The following RAD51C variants were observed in gnomAD, a reference collection of about 807,000 sequenced individuals.
RAD51C encodes DNA repair protein RAD51 homolog 3.
RAD51C carries 42 observed loss-of-function variants against 45.0 expected under a neutral mutation model. The observed-to-expected ratio is 0.93, with a 90% confidence interval of 0.73 to 1.21. RAD51C has a LOEUF of 1.21. Among genes scored for constraint, RAD51C ranks in the 50% most tolerant of loss-of-function variants. The pLI is 0.00. For missense variants in RAD51C, 474 were observed against 452.2 expected, an observed-to-expected ratio of 1.05 and a Z score of -0.44; for synonymous variants, 172 against 159.8, an observed-to-expected ratio of 1.08 and a Z score of -0.58.
Position 58,692,939 on chromosome 17 carries a change from C to T in RAD51C, c.145+151C>T, listed in dbSNP as rs2047834441. ...ACAGCGTGAAAGAGCTCCTCGACTC[C>T]ACTTACAAGTTGTCTGAATGGTTAG... On this transcript the variant is annotated intron_variant, in intron 1 of 8. Transcript: ENST00000337432. 9 of 1,139,892 alleles carry T rather than the reference C, an allele frequency of 7.9e-6. 1 individual carries two copies. Among genetic ancestry groups the T allele is most frequent in the Middle Eastern group, 2.0e-4 (1 of 5,000 alleles). The allele number at this position is 1,139,892 out of a possible 1,614,324, so 70.6% of individuals were successfully genotyped here. A position where few individuals can be genotyped will look rare whatever the true frequency, so the allele number is the denominator to read the frequency against.
intron 4 of RAD51C, among the ~76,000 whole-genome samples, chr17:58,707,621 T>C (rs962003040): frequency 3.9e-5 from 6 of 152,032 alleles, no homozygotes; most frequent in African/African-American, 1.4e-4. Context: ...AATTTGAAAA[T>C]CACTTCCACA....
At chr17:58,713,162 A>T (rs1399280191) in intron 5 of RAD51C, among the ~76,000 whole-genome samples, 1 of 152,156 alleles carries the variant, frequency 6.6e-6, no homozygotes, top group African/African-American at 2.4e-5. Flanking sequence ...AGGTCATATT[A>T]TACATGCTAT....
intron 3 of RAD51C, chr17:58,699,857 C>CT (rs140783204): frequency 3.5e-4 from 52 of 149,326 alleles, no homozygotes; most frequent in Admixed American, 8.1e-4. Context: ...AAGCTCAAAT[C>CT]TTTTTTTTTT....
rs751117852 is a variant in RAD51C at position 58,692,652 on chromosome 17, G to A, written c.9G>A (p.Gly3=). 6.2e-7 allele frequency: 1 copy of A among 1,614,190 alleles called. No homozygotes were observed. The change falls in exon 1 of 9, where the codon GGG becomes GGA. Residue 3 remains glycine, a synonymous_variant. Coordinates refer to ENST00000337432, the MANE Select transcript of RAD51C (RefSeq NM_058216.3). MR[G]KTFRFEMQRD... is the part of the protein sequence containing the mutation. The stretch of plus-strand genomic sequence containing the variant: ...TAGCAGGTGAGCCTGCGATGCGCGG[G>A]AAGACGTTCCGCTTTGAAATGCAGC...
At chr17:58,725,148 A>G (rs1360745653) in intron 7 of RAD51C, among the ~76,000 whole-genome samples, 3 of 152,110 alleles carry the variant, frequency 2.0e-5, no homozygotes, top group African/African-American at 4.8e-5. Context: ...GTGCTTTACT[A>G]TTGACTGTCG....
chr17:58,696,503 T>A (rs1337622949), intron 2 of RAD51C, among the ~76,000 whole-genome samples, 190 bp from the exon 3 acceptor site: 1 of 152,236 alleles, frequency 6.6e-6, no homozygotes, highest in Non-Finnish European at 1.5e-5. Context: ...CGAATCCAGT[T>A]GATTTACATA....
intron 6 of RAD51C, among the ~76,000 whole-genome samples, chr17:58,723,112 T>C (rs2048978803): frequency 6.6e-6 from 1 of 152,162 alleles, no homozygotes; most frequent in African/African-American, 2.4e-5. Flanking sequence ...ATAAAACAAA[T>C]TGGTGATCTC....
rs201523760 is a variant in RAD51C at position 58,692,657 on chromosome 17, C to T, written c.14C>T (p.Thr5Met). The T allele has an allele frequency of 9.2e-5, 149 of 1,614,080 alleles. No homozygotes were observed. Among genetic ancestry groups the T allele is most frequent in the Non-Finnish European group, 1.2e-4 (142 of 1,180,052 alleles). The change falls in exon 1 of 9, where the codon ACG becomes ATG. Residue 5 changes from threonine to methionine, a missense_variant. Thr to Met is a moderately conservative substitution (Grantham distance 81, BLOSUM62 -1). Transcript: ENST00000337432. ...GGTGAGCCTGCGATGCGCGGGAAGA[C>T]GTTCCGCTTTGAAATGCAGCGGGAT... is the stretch of plus-strand genomic sequence containing the variant. MRGK[T>M]FRFEMQRDLV...
chr17:58,701,563 G>A (rs1391753484), intron 3 of RAD51C, among the ~76,000 whole-genome samples: 1 of 150,116 alleles, frequency 6.7e-6, no homozygotes, highest in African/African-American at 2.4e-5. Context: ...TGAAATATGT[G>A]CAAAATCAAA....
chr17:58,710,113 GT>G lies in RAD51C; in HGVS notation c.837+125del. The G allele has an allele frequency of 8.9e-6, 10 of 1,119,342 alleles. No individual in the cohort carries two copies. The South Asian group carries it at 1.2e-4, about 14-fold the overall frequency. The allele number at this position is 1,119,342 out of a possible 1,614,324, so 69.3% of individuals were successfully genotyped here. ...ATATAGACATGCAGTTTTGAGTAAAGTTACGTTTGGTTGGTTTCCATTAAAA... is the reference window on the plus strand; with the variant it reads ...ATATAGACATGCAGTTTTGAGTAAAGTACGTTTGGTTGGTTTCCATTAAAA... On this transcript the variant is annotated intron_variant, in intron 5 of 8. Coordinates refer to ENST00000337432, the MANE Select transcript of RAD51C (RefSeq NM_058216.3).
chr17:58,720,661 T>G (rs2048886341), intron 5 of RAD51C, 85 bp from the exon 6 acceptor site: 4 of 1,000,126 alleles, frequency 4.0e-6, no homozygotes, highest in South Asian at 4.0e-5. Context: ...TTAGTAGAGA[T>G]GGGGTTTCAC....
chr17:58,724,504 T>G (rs939281982), intron 7 of RAD51C, among the ~76,000 whole-genome samples: 11 of 151,950 alleles, frequency 7.2e-5, no homozygotes. Context: ...ATTAATTTAT[T>G]TGGAACATAC....
At chr17:58,724,184 T>C in intron 7 of RAD51C, 84 bp downstream of exon 7, 1 of 1,324,658 alleles carries the variant, frequency 7.5e-7, no homozygotes, top group Non-Finnish European at 1.1e-6. Context: ...GAGCTAGTCC[T>C]GTGGATGAGA....
chr17:58,703,949 T>G (rs1252809061), intron 4 of RAD51C, among the ~76,000 whole-genome samples: 1 of 142,048 alleles, frequency 7.0e-6, no homozygotes, highest in Non-Finnish European at 1.5e-5. Context: ...TTTTTTTTTT[T>G]TTTTTTTTTT....
intron 5 of RAD51C, among the ~76,000 whole-genome samples, chr17:58,715,395 A>T (rs1225804794): frequency 6.7e-6 from 1 of 149,706 alleles, no homozygotes; most frequent in Non-Finnish European, 1.5e-5. Context: ...CGGAGGTTGC[A>T]GCAAGCCAGG....
intron 3 of RAD51C, among the ~76,000 whole-genome samples, chr17:58,701,559 A>G (rs1023251316): frequency 3.3e-5 from 5 of 150,276 alleles, no homozygotes; most frequent in Non-Finnish European, 7.4e-5. Flanking sequence ...TCTCTGAAAT[A>G]TGTGCAAAAT....
At chr17:58,731,383 C>T (rs1049285102) in intron 7 of RAD51C, among the ~76,000 whole-genome samples, 6 of 151,910 alleles carry the variant, frequency 3.9e-5, no homozygotes, top group Admixed American at 1.3e-4. Context: ...CCTCAGCCTC[C>T]CGAGTAGCTG....
intron 5 of RAD51C, among the ~76,000 whole-genome samples, chr17:58,719,631 A>C (rs1041141424): frequency 6.6e-6 from 1 of 152,146 alleles, no homozygotes; most frequent in Non-Finnish European, 1.5e-5. Context: ...CCTGGGCAAC[A>C]TAGCAAGACC....
Position 58,695,130 on chromosome 17 carries a change from G to A in RAD51C, c.345G>A (p.Val115=), listed in dbSNP as rs1598456274. The A allele has an allele frequency of 1.9e-6, 3 of 1,613,954 alleles. No homozygotes were observed. In the South Asian group the frequency reaches 3.3e-5, roughly 18 times the overall value. Residue 115 remains valine (V), a synonymous_variant, in exon 2 of 9, where the codon GTG becomes GTA. Coordinates refer to ENST00000337432, the MANE Select transcript of RAD51C (RefSeq NM_058216.3). ...SALDDILGGG[V]PLMKTTEICG... ...TAGATGATATTCTTGGGGGTGGAGTGCCCTTAATGAAAACAACAGAAATTT... is the reference window on the plus strand; with the variant it reads ...TAGATGATATTCTTGGGGGTGGAGTACCCTTAATGAAAACAACAGAAATTT...
Sources: gnomAD v4.1 joint callset for allele counts (sites outside exome capture counted in the v4.1 genomes callset) on GRCh38, gnomAD v4.1.1 for gene constraint, MANE v1.5 for transcripts, NCBI Gene and HGNC (gene_info 2026-07-23, HGNC 2026-07-21) for gene names.